Variants in ENOX1 observed in about 807,000 individuals in gnomAD.
The protein encoded by ENOX1 is candidate growth-related and time keeping constitutive hydroquinone (NADH) oxidase.
Under a neutral mutation model 82.5 loss-of-function variants are expected in ENOX1, and 42 were observed. That is an observed-to-expected ratio of 0.51 (90% CI 0.40 to 0.66). ENOX1 has a LOEUF of 0.66. Among genes scored for constraint, ENOX1 ranks in the 30% least tolerant of loss-of-function variants. The pLI, the probability that ENOX1 is intolerant of heterozygous loss-of-function variation, is 0.00. For missense variants in ENOX1, 608 were observed against 811.6 expected, an observed-to-expected ratio of 0.75 and a Z score of 3.05; for synonymous variants, 271 against 282.2, an observed-to-expected ratio of 0.96 and a Z score of 0.40.
chr13:43,223,904 C>A, intron 16 of ENOX1, 149 bp downstream of exon 16: 1 of 556,080 alleles, frequency 1.8e-6, no homozygotes, highest in South Asian at 2.7e-5. Flanking sequence ...AACAAGCTGC[C>A]AAAAACTGAG....
At chr13:43,346,574 T>C (rs2049393229) in intron 8 of ENOX1, among the ~76,000 whole-genome samples, 1 of 152,220 alleles carries the variant, frequency 6.6e-6, no homozygotes, top group Non-Finnish European at 1.5e-5. Context: ...TTGTTAACTC[T>C]GGAATTTCAG....
chr13:43,538,076 T>C (rs2078542862), intron 2 of ENOX1, among the ~76,000 whole-genome samples: 1 of 152,220 alleles, frequency 6.6e-6, no homozygotes, highest in Non-Finnish European at 1.5e-5. Flanking sequence ...CTGATCTCCC[T>C]CAGCCTGTAC....
chr13:43,681,107 TCTC>T (rs554448640), intron 1 of ENOX1, among the ~76,000 whole-genome samples: 138 of 152,238 alleles, frequency 9.1e-4, no homozygotes, highest in Non-Finnish European at 1.4e-3. Flanking sequence ...CCCTTTCCCT[TCTC>T]CTCTCAGAAA....
At chr13:43,640,189 C>CT (rs2083576836) in intron 2 of ENOX1, among the ~76,000 whole-genome samples, 1 of 152,084 alleles carries the variant, frequency 6.6e-6, no homozygotes, top group Admixed American at 6.5e-5. Flanking sequence ...TGTTTTTAAT[C>CT]TTTGAGTAGT....
intron 2 of ENOX1, among the ~76,000 whole-genome samples, chr13:43,553,510 C>T (rs1566513344): frequency 6.6e-6 from 1 of 152,186 alleles, no homozygotes. Flanking sequence ...TGCCTTATCC[C>T]TTTTTGATGT....
At chr13:43,602,417 A>G (rs1222526717) in intron 2 of ENOX1, among the ~76,000 whole-genome samples, 1 of 152,126 alleles carries the variant, frequency 6.6e-6, no homozygotes, top group Non-Finnish European at 1.5e-5. Flanking sequence ...ATAATTTTAA[A>G]ACCTTATTTG....
intron 2 of ENOX1, among the ~76,000 whole-genome samples, chr13:43,598,153 G>A (rs1202807397): frequency 6.6e-6 from 1 of 151,540 alleles, no homozygotes. Context: ...ATACCATATT[G>A]CTAGCCTGAA....
chr13:43,351,579 C>T (rs1287261651), intron 8 of ENOX1, among the ~76,000 whole-genome samples: 3 of 113,700 alleles, frequency 2.6e-5, no homozygotes, highest in East Asian at 3.1e-4. Flanking sequence ...CTCCCCCCTC[C>T]CCCCACCCCA....
chr13:43,231,555 C>T (rs1047796927), intron 15 of ENOX1, among the ~76,000 whole-genome samples: 4 of 152,190 alleles, frequency 2.6e-5, no homozygotes, highest in African/African-American at 9.7e-5. Context: ...GATTAAACCC[C>T]TCAGACTGTA....
intron 2 of ENOX1, among the ~76,000 whole-genome samples, chr13:43,587,515 T>A (rs147545216): frequency 6.6e-6 from 1 of 152,332 alleles, no homozygotes; most frequent in Non-Finnish European, 1.5e-5. Context: ...CTGACACATA[T>A]CCCTGACAGG....
At chr13:43,378,601 A>G (rs7987164) in intron 5 of ENOX1, among the ~76,000 whole-genome samples, 30,078 of 152,136 alleles carry the variant, frequency 0.2, 3,647 homozygotes, top group East Asian at 0.53. Context: ...CCTTTGTAGT[A>G]GGACAAAACT....
intron 2 of ENOX1, among the ~76,000 whole-genome samples, chr13:43,627,625 C>T (rs1468758433): frequency 6.6e-6 from 1 of 152,034 alleles, no homozygotes; most frequent in African/African-American, 2.4e-5. Flanking sequence ...TTTACTTCAA[C>T]TACCAAATAT....
At chr13:43,617,409 A>G (rs1384011566) in intron 2 of ENOX1, among the ~76,000 whole-genome samples, 1 of 152,250 alleles carries the variant, frequency 6.6e-6, no homozygotes, top group Non-Finnish European at 1.5e-5. Context: ...TTTACAGTAC[A>G]ATCAAAAGAC....
At chr13:43,372,387 C>A (rs1367828040) in intron 5 of ENOX1, among the ~76,000 whole-genome samples, 1 of 152,172 alleles carries the variant, frequency 6.6e-6, no homozygotes, top group African/African-American at 2.4e-5. Flanking sequence ...GGAAGGCAGA[C>A]CTCATGCTTC....
chr13:43,509,843 G>GA (rs367776802), intron 2 of ENOX1, among the ~76,000 whole-genome samples: 162 of 148,862 alleles, frequency 1.1e-3, no homozygotes, highest in African/African-American at 3.1e-3. Context: ...CCTAAAGAAA[G>GA]AAAAAAAAAA....
chr13:43,502,172 T>C (rs767107638), intron 2 of ENOX1, among the ~76,000 whole-genome samples: 2 of 151,490 alleles, frequency 1.3e-5, no homozygotes, highest in African/African-American at 4.8e-5. Context: ...CACTGAATCA[T>C]GAAGAAATAG....
chr13:43,672,572 T>G (rs2153791770), intron 1 of ENOX1, among the ~76,000 whole-genome samples: 1 of 152,322 alleles, frequency 6.6e-6, no homozygotes, highest in African/African-American at 2.4e-5. Context: ...CGAACTTAGG[T>G]TGAATGAGGA....
chr13:43,599,542 ATCAC>A (rs2081612789), intron 2 of ENOX1, among the ~76,000 whole-genome samples: 1 of 152,060 alleles, frequency 6.6e-6, no homozygotes, highest in African/African-American at 2.4e-5. Context: ...AGCAAGCCTC[ATCAC>A]TGCAGACTAA....
chr13:43,719,892 T>A (rs187059858), intron 1 of ENOX1, among the ~76,000 whole-genome samples: 32 of 152,302 alleles, frequency 2.1e-4, no homozygotes, highest in Middle Eastern at 3.4e-3. Flanking sequence ...ATATCCTATT[T>A]CTGAGACACG....
Sources: gnomAD v4.1 joint callset for allele counts (sites outside exome capture counted in the v4.1 genomes callset) on GRCh38, gnomAD v4.1.1 for gene constraint, MANE v1.5 for transcripts, NCBI Gene and HGNC (gene_info 2026-07-23, HGNC 2026-07-21) for gene names.